Variants in UCN3 observed in about 807,000 individuals in gnomAD.
UCN3 encodes urocortin 3.
UCN3 carries 3 observed loss-of-function variants against 3.6 expected under a neutral mutation model. The ratio of observed to expected loss-of-function variants is 0.83; its 90% CI spans 0.38 to 2.15. The LOEUF (loss-of-function observed/expected upper bound fraction) is 2.15. Ranked by LOEUF, UCN3 falls within the 30% of genes most tolerant of loss-of-function variation. UCN3 has a pLI of 0.06. For synonymous variants in UCN3, 100 were observed against 93.2 expected (o/e 1.07, Z -0.42); for missense variants, 206 against 208.3 (o/e 0.99, Z 0.07).
chr10:5,373,632 C>T (rs1358696107), intron 1 of UCN3, 83 bp from the exon 2 acceptor site: 5 of 1,526,724 alleles, frequency 3.3e-6, no homozygotes, highest in African/African-American at 1.4e-5. Flanking sequence ...ACATTAACAA[C>T]ACCCTAGTAG....
chr10:5,373,510 G>A (rs1554811714), intron 1 of UCN3, among the ~76,000 whole-genome samples: 1 of 152,096 alleles, frequency 6.6e-6, no homozygotes, highest in East Asian at 1.9e-4. Flanking sequence ...CAGAGCTTTT[G>A]ATTTACTCGT....
At position 5,374,179 on chromosome 10, in the gene UCN3, G is replaced by A; in HGVS notation, c.459G>A (p.Leu153=). 1 of 1,609,208 alleles carries A rather than the reference G, an allele frequency of 6.2e-7. No individual in the cohort carries two copies. Among genetic ancestry groups the A allele is most frequent in the Non-Finnish European group, 8.5e-7 (1 of 1,177,912 alleles). ...LRAQAAANAH[L]MAQIGRKK Reference sequence around the variant, plus strand: ...CCCAGGCGGCCGCCAATGCCCACCTGATGGCGCAAATTGGGAGGAAGAAGT... The same window carrying A: ...CCCAGGCGGCCGCCAATGCCCACCTAATGGCGCAAATTGGGAGGAAGAAGT... Residue 153 remains leucine, a synonymous_variant, in exon 2 of 2, where the codon CTG becomes CTA. Coordinates refer to ENST00000380433, the MANE Select transcript of UCN3 (RefSeq NM_053049.4).
At chr10:5,370,633 ATGTG>A (rs781873722) in intron 1 of UCN3, among the ~76,000 whole-genome samples, 1 of 64,018 alleles carries the variant, frequency 1.6e-5, no homozygotes, top group Non-Finnish European at 2.8e-5. Context: ...ATGCGTGTGT[ATGTG>A]TGTGTATATG....
At chr10:5,370,139 G>GTA (rs782242406) in intron 1 of UCN3, among the ~76,000 whole-genome samples, 3 of 52,268 alleles carry the variant, frequency 5.7e-5, no homozygotes, top group Non-Finnish European at 1.1e-4. Context: ...GTATGTGTGT[G>GTA]TATGCGTGTG....
chr10:5,374,387 C>T lies in UCN3; in HGVS notation c.*181C>T. 1 of 624,626 alleles carries T rather than the reference C, an allele frequency of 1.6e-6. No individual in the cohort carries two copies. Among genetic ancestry groups the T allele is most frequent in the Non-Finnish European group, 2.8e-6 (1 of 363,190 alleles). The allele number at this position is 624,626 out of a possible 1,614,324, so 38.7% of individuals were successfully genotyped here. A position where few individuals can be genotyped will look rare whatever the true frequency, so the allele number is the denominator to read the frequency against. On this transcript the variant is annotated 3_prime_UTR_variant, in exon 2 of 2. Transcript: ENST00000380433. ...GATCTCTTCTGGCCTTTGACCCTGT[C>T]TCCCTCCTGCTCTGTCTGTACACAC...
chr10:5,368,779 A>G (rs1337057225), intron 1 of UCN3, among the ~76,000 whole-genome samples: 2 of 152,232 alleles, frequency 1.3e-5, no homozygotes, highest in African/African-American at 4.8e-5. Flanking sequence ...GGTCCTCTGT[A>G]AATGAGAAAG....
At position 5,366,078 on chromosome 10, in the gene UCN3, C is replaced by T. The variant is rs1454938198; in HGVS notation, c.-7+848C>T. ...CTTCTTATCAGTGTTTGCAGACAAACGGAGCCCACAGGAATAGCTCTGCAC... is the reference window on the plus strand; with the variant it reads ...CTTCTTATCAGTGTTTGCAGACAAATGGAGCCCACAGGAATAGCTCTGCAC... On this transcript the variant is annotated intron_variant, in intron 1 of 1. Transcript: ENST00000380433. This position sits in a 1 kb window ranked among gnomAD's most constrained non-coding sequence, Gnocchi z 4.2. Among the ~76,000 whole-genome samples the T allele has an allele frequency of 2.0e-5, 3 of 152,176 alleles. No individual in the cohort carries two copies. The highest frequency in any genetic ancestry group is 7.2e-5 in the African/African-American group (3 of 41,422).
Position 5,374,014 on chromosome 10 carries a change from G to T in UCN3, c.294G>T (p.Val98=), listed in dbSNP as rs782727297. ...GGARGTRYRY[V]SQAQPRGKPR... ...CCAGAGGCACCCGGTACAGATACGT[G>T]TCCCAAGCACAGCCCAGGGGAAAGC... is the stretch of plus-strand genomic sequence containing the variant. Residue 98 remains valine (V), a synonymous_variant, in exon 2 of 2, where the codon GTG becomes GTT. Transcript: ENST00000380433. 3 of 1,611,628 alleles carry T rather than the reference G, an allele frequency of 1.9e-6. No homozygotes were observed. The highest frequency in any genetic ancestry group is 1.7e-6 in the Non-Finnish European group (2 of 1,178,960).
rs76411410 is a variant in UCN3, at chr10:5,369,163, C to T, written c.-7+3933C>T. Among the ~76,000 whole-genome samples the T allele has an allele frequency of 4.6e-3, 695 of 152,270 alleles. 15 individuals carry two copies. Among genetic ancestry groups the T allele is most frequent in the Admixed American group, 0.03 (457 of 15,294 alleles). On this transcript the variant is annotated intron_variant, in intron 1 of 1. Coordinates refer to ENST00000380433, the MANE Select transcript of UCN3 (RefSeq NM_053049.4). Reference sequence around the variant, plus strand: ...TCAGGGTGGAGAGGGTAGCATGGAGCCAAAAGCTACAAGCCAGAGATACGA... The same window carrying T: ...TCAGGGTGGAGAGGGTAGCATGGAGTCAAAAGCTACAAGCCAGAGATACGA...
chr10:5,369,993 GTA>G lies in UCN3; in HGVS notation c.-6-3720_-6-3719del, dbSNP rs782761575. On this transcript the variant is annotated intron_variant, in intron 1 of 1. Coordinates refer to ENST00000380433, the MANE Select transcript of UCN3 (RefSeq NM_053049.4). The stretch of plus-strand genomic sequence containing the variant: ...TGTGTATATGCGTGTGTATATGTGT[GTA>G]TGTGTGTGTGTATGTGTGTGTATAT... Among the ~76,000 whole-genome samples, 163 of 86,048 alleles carry G rather than the reference GTA, an allele frequency of 1.9e-3. 25 individuals are homozygous for G. The highest frequency in any genetic ancestry group is 0.012 in the Middle Eastern group (2 of 164). The allele number at this position is 86,048 out of a possible 152,430, so 56.5% of individuals were successfully genotyped here.
In UCN3 at chr10:5,371,746, G is replaced by A. The variant is rs1390013804; in HGVS notation, c.-6-1969G>A. Among the ~76,000 whole-genome samples, 6 of 152,280 alleles carry A rather than the reference G, an allele frequency of 3.9e-5. No homozygotes were observed. In the East Asian group the frequency reaches 7.7e-4, roughly 20 times the overall value. On this transcript the variant is annotated intron_variant, in intron 1 of 1. Transcript: ENST00000380433. The stretch of plus-strand genomic sequence containing the variant: ...CAAAATGACCCAATGCCAGCCTCAC[G>A]CTGCTGAAGGCCCAGGCGAATCACC...
chr10:5,370,204 C>T (rs140178123), intron 1 of UCN3, among the ~76,000 whole-genome samples: 1,357 of 5,290 alleles, frequency 0.26, 394 homozygotes, highest in African/African-American at 0.54. Context: ...TGTGTATATG[C>T]GTGTGTATGT....
intron 1 of UCN3, among the ~76,000 whole-genome samples, chr10:5,370,587 ATATGTGTGTGTG>A (rs1831377140): frequency 3.2e-5 from 2 of 61,652 alleles, no homozygotes. Context: ...ATATGTGTGT[ATATGTGTGTGTG>A]TATGCGTGTG....
At chr10:5,370,481 A>ATG (rs1298485200) in intron 1 of UCN3, among the ~76,000 whole-genome samples, 2 of 21,696 alleles carry the variant, frequency 9.2e-5, no homozygotes, top group Non-Finnish European at 8.5e-5. Flanking sequence ...GCGTGTGTAT[A>ATG]TGTGTGTATG....
rs1554810654 is a variant in UCN3, at chr10:5,365,537, G to A, written c.-7+307G>A. On this transcript the variant is annotated intron_variant, in intron 1 of 1. Coordinates refer to ENST00000380433, the MANE Select transcript of UCN3 (RefSeq NM_053049.4). The surrounding 1 kb of genome is among the most constrained non-coding windows in gnomAD (Gnocchi z 4.4). ...ATCTGTTTTCTCTGAACAGAGCACA[G>A]CTGTGCACAGGAAAGTCAGTCCTCG... 6.6e-6 allele frequency among the ~76,000 whole-genome samples: 1 copy of A among 152,218 alleles called. No individual in the cohort carries two copies. The highest frequency in any genetic ancestry group is 2.4e-5 in the African/African-American group (1 of 41,446).
At chr10:5,371,366 A>G (rs189728417) in intron 1 of UCN3, among the ~76,000 whole-genome samples, 2 of 148,066 alleles carry the variant, frequency 1.4e-5, no homozygotes, top group East Asian at 1.9e-4. Context: ...ATATGTGTGT[A>G]TCTGTATGTG....
At position 5,366,868 on chromosome 10, in the gene UCN3, G is replaced by C. The variant is rs1403386794; in HGVS notation, c.-7+1638G>C. 1.3e-5 allele frequency among the ~76,000 whole-genome samples: 2 copies of C among 152,176 alleles called. No homozygotes were observed. Among genetic ancestry groups the C allele is most frequent in the Non-Finnish European group, 2.9e-5 (2 of 68,042 alleles). On this transcript the variant is annotated intron_variant, in intron 1 of 1. Coordinates refer to ENST00000380433, the MANE Select transcript of UCN3 (RefSeq NM_053049.4). This position sits in a 1 kb window ranked among gnomAD's most constrained non-coding sequence, Gnocchi z 4.2. ...AGGGTTTGCAGAGAGAGAAAGGTCT[G>C]CTACCTGCAGATGCACCAAGAACAG...
rs782296219 is a variant in UCN3, at chr10:5,373,906, G to A, written c.186G>A (p.Leu62=). The A allele has an allele frequency of 3.1e-6, 5 of 1,613,894 alleles. No homozygotes were observed. The highest frequency in any genetic ancestry group is 1.1e-5 in the South Asian group (1 of 91,062). The stretch of plus-strand genomic sequence containing the variant: ...TGAGCAAGAGGAGCTTCCACTACCT[G>A]CGCAGCAGAGACGCCTCTTCGGGAG... ...SLLSKRSFHY[L]RSRDASSGEE... Residue 62 remains leucine, a synonymous_variant, in exon 2 of 2, where the codon CTG becomes CTA. Transcript: ENST00000380433.
At chr10:5,370,024 TGTGTATATGC>T (rs1554811078) in intron 1 of UCN3, among the ~76,000 whole-genome samples, 6 of 136,648 alleles carry the variant, frequency 4.4e-5, no homozygotes, top group East Asian at 2.4e-4. Flanking sequence ...TGTATATGTG[TGTGTATATGC>T]GTGTGTATAT....
Sources: gnomAD v4.1 joint callset for allele counts (sites outside exome capture counted in the v4.1 genomes callset) on GRCh38, gnomAD v4.1.1 for gene constraint, Gnocchi (gnomAD v3.1) non-coding constraint, MANE v1.5 for transcripts, NCBI Gene and HGNC (gene_info 2026-07-23, HGNC 2026-07-21) for gene names.